The following GALNT13 variants were observed in gnomAD, a reference collection of about 807,000 sequenced individuals.
GALNT13 encodes polypeptide N-acetylgalactosaminyltransferase 13.
In GALNT13, 28 loss-of-function variants were observed where a neutral mutation model predicts 64.2. The observed-to-expected ratio is 0.44, with a 90% CI of 0.32 to 0.60. The LOEUF (loss-of-function observed/expected upper bound fraction) is 0.60. GALNT13 is among the 20% of genes least tolerant of loss of function. The probability of loss-of-function intolerance (pLI) is 0.05; values close to 1 mark genes in which losing one functional copy is unlikely to be tolerated. For missense variants in GALNT13, 577 were observed against 669.8 expected (o/e 0.86, Z 1.53); for synonymous variants, 214 against 224.6 (o/e 0.95, Z 0.42).
chr2:153,089,768 C>T, the GALNT13 span, among the ~76,000 whole-genome samples: 11 of 152,062 alleles, frequency 7.2e-5, no homozygotes, highest in African/African-American at 2.6e-4. Context: ...GTGTGTTTTT[C>T]ATTTCTAGAA....
At chr2:153,263,690 G>A in the GALNT13 span, among the ~76,000 whole-genome samples, 126,453 of 152,142 alleles carry the variant, frequency 0.83, 53,802 homozygotes, top group African/African-American at 0.93. Flanking sequence ...AAAACAAGCA[G>A]TGGGGAAATA....
At chr2:153,203,408 T>C in the GALNT13 span, among the ~76,000 whole-genome samples, 1 of 152,196 alleles carries the variant, frequency 6.6e-6, no homozygotes, top group East Asian at 1.9e-4. Context: ...CAATATAGTT[T>C]AACATTATTG....
chr2:153,538,326 C>CTTTTTTTTTTTTTTTTTTATTTT, the GALNT13 span, among the ~76,000 whole-genome samples: 4 of 100,844 alleles, frequency 4.0e-5, no homozygotes, highest in Non-Finnish European at 8.6e-5. Flanking sequence ...TTTTTTAATT[C>CTTTTTTTTTTTTTTTTTTATTTT]TTTTTTTTTT....
intron 9 of GALNT13, among the ~76,000 whole-genome samples, chr2:154,352,219 G>T (rs1487990097): frequency 6.6e-6 from 1 of 152,144 alleles, no homozygotes; most frequent in Non-Finnish European, 1.5e-5. Flanking sequence ...TTCTTTACAT[G>T]AACCGGCCTC....
At chr2:153,853,471 A>C in the GALNT13 span, among the ~76,000 whole-genome samples, 1 of 152,186 alleles carries the variant, frequency 6.6e-6, no homozygotes, top group Non-Finnish European at 1.5e-5. Flanking sequence ...TGAATAAATA[A>C]ATTGTCATAT....
chr2:153,694,181 T>C, the GALNT13 span, among the ~76,000 whole-genome samples: 1 of 152,172 alleles, frequency 6.6e-6, no homozygotes, highest in Non-Finnish European at 1.5e-5. Context: ...GTACTTTCTT[T>C]GGGTAACTCA....
the GALNT13 span, among the ~76,000 whole-genome samples, chr2:153,633,429 A>G: frequency 6.6e-6 from 1 of 152,178 alleles, no homozygotes; most frequent in Non-Finnish European, 1.5e-5. Flanking sequence ...TGTAGATGAT[A>G]ATAAACTTGA....
At chr2:153,445,047 CA>C in the GALNT13 span, among the ~76,000 whole-genome samples, 1 of 152,102 alleles carries the variant, frequency 6.6e-6, no homozygotes, top group Non-Finnish European at 1.5e-5. Flanking sequence ...CAACATTTTC[CA>C]TAGCAATTGA....
chr2:153,173,421 G>A, the GALNT13 span: 1 of 152,214 alleles, frequency 6.6e-6, no homozygotes, highest in African/African-American at 2.4e-5. Context: ...GGGGGACATA[G>A]TTTTGAGATG....
At chr2:153,390,112 C>T in the GALNT13 span, among the ~76,000 whole-genome samples, 11 of 152,148 alleles carry the variant, frequency 7.2e-5, no homozygotes, top group South Asian at 2.1e-4. Flanking sequence ...ACATATACAC[C>T]GTGGAATACT....
chr2:154,429,509 T>G (rs1260751713), intron 11 of GALNT13, among the ~76,000 whole-genome samples: 1 of 152,108 alleles, frequency 6.6e-6, no homozygotes, highest in African/African-American at 2.4e-5. Flanking sequence ...AGAAGAAAAT[T>G]TGAAGCTAGC....
the GALNT13 span, among the ~76,000 whole-genome samples, chr2:153,320,093 A>C: frequency 3.3e-5 from 5 of 152,230 alleles, no homozygotes; most frequent in Non-Finnish European, 7.3e-5. Context: ...ATCAGATTTC[A>C]TGGCTGGGGC....
At chr2:153,879,471 C>G (rs1686627764) in intron 1 of GALNT13, among the ~76,000 whole-genome samples, 1 of 152,012 alleles carries the variant, frequency 6.6e-6, no homozygotes, top group East Asian at 1.9e-4. Flanking sequence ...TAGCCTTAAA[C>G]CCCTTGGCGC....
chr2:153,847,185 G>A, the GALNT13 span, among the ~76,000 whole-genome samples: 1 of 151,826 alleles, frequency 6.6e-6, no homozygotes, highest in South Asian at 2.1e-4. Flanking sequence ...CTGTTTATCA[G>A]GATATATTAT....
intron 9 of GALNT13, among the ~76,000 whole-genome samples, chr2:154,345,201 C>A (rs561907499): frequency 6.6e-6 from 1 of 152,100 alleles, no homozygotes; most frequent in African/African-American, 2.4e-5. Context: ...TTCATACTTG[C>A]CACTGCTATT....
the GALNT13 span, among the ~76,000 whole-genome samples, chr2:153,603,260 A>G: frequency 6.6e-6 from 1 of 151,914 alleles, no homozygotes; most frequent in Non-Finnish European, 1.5e-5. Flanking sequence ...TGACTGGAGC[A>G]AAAGAAGCCA....
the GALNT13 span, among the ~76,000 whole-genome samples, chr2:153,393,992 C>CACA: frequency 0.043 from 2,226 of 51,304 alleles, 40 homozygotes; most frequent in African/African-American, 0.11. Flanking sequence ...ACACACACAC[C>CACA]CCCTATTGGT....
chr2:153,204,140 G>A, the GALNT13 span, among the ~76,000 whole-genome samples: 3 of 152,082 alleles, frequency 2.0e-5, no homozygotes, highest in Non-Finnish European at 2.9e-5. Context: ...GACTTCTGTT[G>A]GGTATTCCCT....
At chr2:153,865,547 AAC>A in the GALNT13 span, among the ~76,000 whole-genome samples, 702 of 91,966 alleles carry the variant, frequency 7.6e-3, 4 homozygotes, top group Non-Finnish European at 0.012. Context: ...GCAGCCAAAA[AAC>A]ACATGAAAAA....
Sources: allele counts gnomAD v4.1 joint callset (sites outside exome capture counted in the v4.1 genomes callset), GRCh38; gene constraint gnomAD v4.1.1; transcripts MANE v1.5; gene names NCBI Gene and HGNC (gene_info 2026-07-23, HGNC 2026-07-21).